Variants in EDN3 observed in about 807,000 individuals in gnomAD.
EDN3 encodes the protein endothelin 3, also known as endothelin-3.
A neutral mutation model predicts 21.4 loss-of-function variants in EDN3; 9 were observed. That is an observed-to-expected ratio of 0.42 (90% CI 0.25 to 0.73). The LOEUF (loss-of-function observed/expected upper bound fraction) is 0.73, where lower values mean the gene tolerates loss of function less well. Ranked by LOEUF, EDN3 falls within the 30% of genes least tolerant of loss-of-function variation. EDN3 has a pLI of 0.26. For synonymous variants in EDN3, 133 were observed against 126.2 expected, an observed-to-expected ratio of 1.05 and a Z score of -0.36; for missense variants, 327 against 309.4, an observed-to-expected ratio of 1.06 and a Z score of -0.43.
In EDN3 at chr20:59,300,694, G is replaced by C; in HGVS notation, c.-119G>C. The C allele has an allele frequency of 3.0e-6, 3 of 1,008,602 alleles. No homozygotes were observed. The highest frequency in any genetic ancestry group is 4.4e-6 in the Non-Finnish European group (3 of 683,612). The allele number at this position is 1,008,602 out of a possible 1,614,324, so 62.5% of individuals were successfully genotyped here. ...GGAGCTGGAGACGCAGCGAGCGATC[G>C]GCCGGCCTCGAACCCCCACAGCTGG... On this transcript the variant is annotated 5_prime_UTR_variant, in exon 1 of 5. Coordinates refer to ENST00000337938, the MANE Select transcript of EDN3 (RefSeq NM_207034.3).
chr20:59,321,822 T>C (rs541438053), intron 3 of EDN3, among the ~76,000 whole-genome samples: 1 of 152,286 alleles, frequency 6.6e-6, no homozygotes, highest in South Asian at 2.1e-4. Flanking sequence ...AGCTTGCAAA[T>C]CACGTTGAAT....
At chr20:59,301,166 C>G (rs1165278610) in intron 1 of EDN3, among the ~76,000 whole-genome samples, 1 of 152,250 alleles carries the variant, frequency 6.6e-6, no homozygotes, top group Non-Finnish European at 1.5e-5. Context: ...AGAGGCTGTG[C>G]CAAACCCTGG....
chr20:59,318,263 G>A (rs1264861952), intron 2 of EDN3, among the ~76,000 whole-genome samples: 1 of 152,178 alleles, frequency 6.6e-6, no homozygotes, highest in Non-Finnish European at 1.5e-5. Flanking sequence ...TGAAGCCAGC[G>A]CTGGTGTGGG....
At chr20:59,307,956 T>C (rs2146836365) in intron 2 of EDN3, among the ~76,000 whole-genome samples, 1 of 152,140 alleles carries the variant, frequency 6.6e-6, no homozygotes, top group East Asian at 1.9e-4. Context: ...TGTAATCATA[T>C]ATTTACCCTT....
chr20:59,311,987 T>C lies in EDN3; in HGVS notation c.366-9030T>C, dbSNP rs1989851849. ...TCTCCTGAAAATTAGCAAGAGTGTC[T>C]TCTCTTGCTTTCTTTAAATTATTCA... On this transcript the variant is annotated intron_variant, in intron 2 of 4. Coordinates refer to ENST00000337938, the MANE Select transcript of EDN3 (RefSeq NM_207034.3). 2.0e-5 allele frequency among the ~76,000 whole-genome samples: 3 copies of C among 152,320 alleles called. No homozygotes were observed. The South Asian group carries it at 6.2e-4, about 32-fold the overall frequency.
In EDN3 at chr20:59,324,610, C is replaced by T. The variant is rs918012816; in HGVS notation, c.*151C>T. On this transcript the variant is annotated 3_prime_UTR_variant, in exon 5 of 5. Coordinates refer to ENST00000337938, the MANE Select transcript of EDN3 (RefSeq NM_207034.3). ...CCCACTTAACAATACCCCCCCCCCA[C>T]GGCAAGAATGCCCAAATCCGAATGA... 1.5e-5 allele frequency: 16 copies of T among 1,039,512 alleles called. No individual in the cohort carries two copies. Among genetic ancestry groups the T allele is most frequent in the South Asian group, 5.7e-5 (4 of 70,158 alleles). 64.4% of individuals were successfully genotyped at this position (1,039,512 alleles called of 1,614,324 possible). A position where few individuals can be genotyped will look rare whatever the true frequency, so the allele number is the denominator to read the frequency against.
At chr20:59,312,086 C>T (rs978213307) in intron 2 of EDN3, among the ~76,000 whole-genome samples, 2 of 152,102 alleles carry the variant, frequency 1.3e-5, no homozygotes, top group Admixed American at 6.5e-5. Context: ...AATACTTGCT[C>T]CCTGTTTTCC....
chr20:59,321,994 G>A (rs1990575152), intron 3 of EDN3, among the ~76,000 whole-genome samples: 1 of 152,160 alleles, frequency 6.6e-6, no homozygotes, highest in South Asian at 2.1e-4. Context: ...CCTTCCTGGA[G>A]CAGGCGTAGG....
intron 2 of EDN3, among the ~76,000 whole-genome samples, chr20:59,317,157 G>A (rs1430761894): frequency 6.6e-6 from 1 of 152,214 alleles, no homozygotes; most frequent in African/African-American, 2.4e-5. Context: ...CAGCGATGAA[G>A]CAGGCCACAA....
intron 2 of EDN3, among the ~76,000 whole-genome samples, chr20:59,319,875 G>A (rs1990419233): frequency 6.6e-6 from 1 of 152,238 alleles, no homozygotes; most frequent in Non-Finnish European, 1.5e-5. Context: ...CTGGGGACTA[G>A]CAAGAAAACC....
intron 2 of EDN3, among the ~76,000 whole-genome samples, chr20:59,313,459 G>A (rs1251854254): frequency 6.6e-6 from 1 of 152,150 alleles, no homozygotes; most frequent in Admixed American, 6.5e-5. Flanking sequence ...TTTTGAAAAT[G>A]TATGTGATAC....
rs1413431743 is a variant in EDN3 at position 59,300,698 on chromosome 20, G to C, written c.-115G>C. The stretch of plus-strand genomic sequence containing the variant: ...CTGGAGACGCAGCGAGCGATCGGCC[G>C]GCCTCGAACCCCCACAGCTGGAGGG... On this transcript the variant is annotated 5_prime_UTR_variant, in exon 1 of 5. Coordinates refer to ENST00000337938, the MANE Select transcript of EDN3 (RefSeq NM_207034.3). The C allele has an allele frequency of 4.9e-5, 52 of 1,066,946 alleles. No homozygotes were observed. The highest frequency in any genetic ancestry group is 6.3e-5 in the Non-Finnish European group (46 of 735,272). The allele number at this position is 1,066,946 out of a possible 1,614,324, so 66.1% of individuals were successfully genotyped here. A position where few individuals can be genotyped will look rare whatever the true frequency, so the allele number is the denominator to read the frequency against.
intron 3 of EDN3, among the ~76,000 whole-genome samples, chr20:59,321,639 G>C (rs1990557176): frequency 6.6e-6 from 1 of 152,212 alleles, no homozygotes; most frequent in South Asian, 2.1e-4. Flanking sequence ...AGGACCATCT[G>C]GTCTCAGAGC....
intron 1 of EDN3, 126 bp from the exon 2 acceptor site, chr20:59,301,284 G>T (rs1988994210): frequency 8.5e-6 from 10 of 1,182,302 alleles, no homozygotes; most frequent in Non-Finnish European, 1.1e-5. Context: ...TTCAGAAACT[G>T]CGCAGAGCTT....
At position 59,301,731 on chromosome 20, in the gene EDN3, G is replaced by A. The variant is rs1989056301; in HGVS notation, c.365+9G>A. 6.2e-7 allele frequency: 1 copy of A among 1,614,090 alleles called. No individual in the cohort carries two copies. The highest frequency in any genetic ancestry group is 8.5e-7 in the Non-Finnish European group (1 of 1,179,920). On this transcript the variant is annotated intron_variant, in intron 2 of 4. Transcript: ENST00000337938. The stretch of plus-strand genomic sequence containing the variant: ...TGGATCAACACTCCCGAGTAAGTCA[G>A]CCTTTTGTGGTGAGGAACGTGGCTC...
intron 2 of EDN3, among the ~76,000 whole-genome samples, chr20:59,309,379 G>A (rs940303222): frequency 6.6e-6 from 1 of 152,182 alleles, no homozygotes; most frequent in African/African-American, 2.4e-5. Context: ...GGACCCCATG[G>A]GGCACCAGTA....
intron 2 of EDN3, among the ~76,000 whole-genome samples, chr20:59,318,214 G>T (rs1990305489): frequency 6.6e-6 from 1 of 152,218 alleles, no homozygotes; most frequent in Non-Finnish European, 1.5e-5. Context: ...GGTGGAAGGA[G>T]CTTGGAGGAA....
intron 2 of EDN3, among the ~76,000 whole-genome samples, chr20:59,316,694 A>C (rs982959495): frequency 8.5e-5 from 13 of 152,220 alleles, no homozygotes; most frequent in African/African-American, 2.9e-4. Context: ...GAGATTGGGG[A>C]ATTTAATATT....
chr20:59,303,448 A>G (rs955657798), intron 2 of EDN3, among the ~76,000 whole-genome samples: 2 of 152,236 alleles, frequency 1.3e-5, no homozygotes, highest in African/African-American at 2.4e-5. Flanking sequence ...AATGGAGGGC[A>G]CTGGGCAGTC....
Sources: allele counts gnomAD v4.1 joint callset (sites outside exome capture counted in the v4.1 genomes callset), GRCh38; gene constraint gnomAD v4.1.1; transcripts MANE v1.5; gene names NCBI Gene and HGNC (gene_info 2026-07-23, HGNC 2026-07-21).